The following NDUFAF2 variants were observed in gnomAD, a reference collection of about 807,000 sequenced individuals.
NDUFAF2 encodes NADH:ubiquinone oxidoreductase complex assembly factor 2.
A neutral mutation model predicts 22.8 loss-of-function variants in NDUFAF2; 13 were observed. The ratio of observed to expected loss-of-function variants is 0.57; its 90% CI spans 0.37 to 0.91. The LOEUF is 0.91. Ranked by LOEUF, NDUFAF2 falls within the 40% of genes least tolerant of loss-of-function variation. The pLI, the probability that NDUFAF2 is intolerant of heterozygous loss-of-function variation, is 0.01. For synonymous variants in NDUFAF2, 53 were observed against 64.2 expected, an observed-to-expected ratio of 0.83 and a Z score of 0.84; for missense variants, 162 against 195.2, an observed-to-expected ratio of 0.83 and a Z score of 1.01.
At chr5:61,034,941 T>TGC (rs1170586768) in intron 1 of NDUFAF2, among the ~76,000 whole-genome samples, 4 of 151,972 alleles carry the variant, frequency 2.6e-5, no homozygotes, top group African/African-American at 7.3e-5. Flanking sequence ...TGTGTGTGTG[T>TGC]GTAACAAATA....
intron 1 of NDUFAF2, among the ~76,000 whole-genome samples, chr5:61,010,645 T>C (rs890192260): frequency 6.6e-6 from 1 of 152,150 alleles, no homozygotes; most frequent in African/African-American, 2.4e-5. Context: ...ATTTTAGTGG[T>C]TGCTTTTCAC....
intron 1 of NDUFAF2, among the ~76,000 whole-genome samples, chr5:61,047,413 A>AG (rs1321931976): frequency 6.6e-6 from 1 of 152,006 alleles, no homozygotes; most frequent in Non-Finnish European, 1.5e-5. Context: ...TGCCTTGCAG[A>AG]GAAAAAAAAA....
chr5:60,991,431 C>G (rs1751157282), intron 1 of NDUFAF2, among the ~76,000 whole-genome samples: 1 of 151,972 alleles, frequency 6.6e-6, no homozygotes, highest in African/African-American at 2.4e-5. Flanking sequence ...TTTTTTGTAC[C>G]TATTAACTAT....
At chr5:60,950,138 A>G (rs916355625) in intron 1 of NDUFAF2, among the ~76,000 whole-genome samples, 4 of 152,140 alleles carry the variant, frequency 2.6e-5, no homozygotes, top group African/African-American at 7.2e-5. Context: ...TGGTGAGCAT[A>G]GGTATCTTTT....
At chr5:61,005,597 C>G (rs189531017) in intron 1 of NDUFAF2, among the ~76,000 whole-genome samples, 1 of 152,164 alleles carries the variant, frequency 6.6e-6, no homozygotes, top group East Asian at 1.9e-4. Context: ...TCTGCAGCAC[C>G]TGTTGTTTCC....
At chr5:61,040,286 A>ACACACACGCG (rs1491193758) in intron 1 of NDUFAF2, among the ~76,000 whole-genome samples, 198 of 93,064 alleles carry the variant, frequency 2.1e-3, no homozygotes, top group Non-Finnish European at 2.9e-3. Flanking sequence ...ACACACACAC[A>ACACACACGCG]CGCGCGCGCG....
At chr5:61,117,410 C>T (rs1435276381) in intron 3 of NDUFAF2, among the ~76,000 whole-genome samples, 1 of 152,158 alleles carries the variant, frequency 6.6e-6, no homozygotes, top group Non-Finnish European at 1.5e-5. Context: ...AGCTGGAGTG[C>T]AGTGGCACTG....
At chr5:61,073,002 C>T (rs1286606611) in intron 1 of NDUFAF2, 123 bp from the exon 2 acceptor site, 8 of 666,358 alleles carry the variant, frequency 1.2e-5, no homozygotes, top group Non-Finnish European at 2.1e-5. Flanking sequence ...GAAATCTATT[C>T]TCGTTTTCCT....
chr5:61,072,576 C>A (rs1031115123), intron 1 of NDUFAF2, among the ~76,000 whole-genome samples: 15 of 152,172 alleles, frequency 9.9e-5, no homozygotes, highest in African/African-American at 3.6e-4. Context: ...TACATTAAAT[C>A]TAGATTTATT....
chr5:61,134,808 A>G (rs913206020), intron 3 of NDUFAF2, among the ~76,000 whole-genome samples: 7 of 152,178 alleles, frequency 4.6e-5, no homozygotes, highest in African/African-American at 1.4e-4. Flanking sequence ...ATGATTTCAC[A>G]TGACTTTAAG....
At chr5:61,149,692 C>T (rs1003573096) in intron 3 of NDUFAF2, among the ~76,000 whole-genome samples, 2 of 151,884 alleles carry the variant, frequency 1.3e-5, no homozygotes, top group African/African-American at 2.4e-5. Flanking sequence ...GAAAGATGCC[C>T]GTTCCTGCTT....
intron 1 of NDUFAF2, among the ~76,000 whole-genome samples, chr5:60,960,982 A>G (rs1183484816): frequency 1.3e-5 from 2 of 152,316 alleles, no homozygotes; most frequent in African/African-American, 4.8e-5. Flanking sequence ...AAAGTGCTCA[A>G]AAGGGACCAC....
At chr5:61,141,867 C>G (rs988967333) in intron 3 of NDUFAF2, among the ~76,000 whole-genome samples, 5 of 152,048 alleles carry the variant, frequency 3.3e-5, no homozygotes, top group African/African-American at 1.2e-4. Context: ...CTCTTCTTCC[C>G]TCTCTCATCC....
At chr5:61,134,769 A>G (rs938742010) in intron 3 of NDUFAF2, among the ~76,000 whole-genome samples, 2 of 152,186 alleles carry the variant, frequency 1.3e-5, no homozygotes, top group Admixed American at 1.3e-4. Flanking sequence ...CGTGTTTATC[A>G]AGTAGATAGC....
intron 3 of NDUFAF2, among the ~76,000 whole-genome samples, chr5:61,128,177 G>C (rs1267383959): frequency 5.3e-5 from 8 of 152,132 alleles, no homozygotes; most frequent in Admixed American, 3.3e-4. Context: ...AACATTCCAT[G>C]CTTATGGATA....
intron 1 of NDUFAF2, among the ~76,000 whole-genome samples, chr5:61,006,411 A>C (rs1465307236): frequency 6.6e-5 from 10 of 152,064 alleles, no homozygotes; most frequent in Admixed American, 6.6e-4. Flanking sequence ...CTTAGGATTG[A>C]CTTGGCAATG....
intron 2 of NDUFAF2, among the ~76,000 whole-genome samples, chr5:61,078,491 A>G (rs1752397029): frequency 6.6e-6 from 1 of 152,198 alleles, no homozygotes; most frequent in Admixed American, 6.5e-5. Context: ...CTGTAATCCC[A>G]GCACTTTGGG....
intron 3 of NDUFAF2, among the ~76,000 whole-genome samples, chr5:61,109,417 C>T: frequency 6.6e-6 from 1 of 152,124 alleles, no homozygotes; most frequent in East Asian, 1.9e-4. Flanking sequence ...TGACTTCTTC[C>T]TTTTCAATTT....
chr5:61,068,501 C>A (rs1201497644), intron 1 of NDUFAF2, among the ~76,000 whole-genome samples: 1 of 152,064 alleles, frequency 6.6e-6, no homozygotes, highest in Non-Finnish European at 1.5e-5. Flanking sequence ...CTCATAAATA[C>A]ATGCGCACAT....
Sources: allele counts gnomAD v4.1 joint callset (sites outside exome capture counted in the v4.1 genomes callset), GRCh38; gene constraint gnomAD v4.1.1; transcripts MANE v1.5; gene names NCBI Gene and HGNC (gene_info 2026-07-23, HGNC 2026-07-21).